The following CADM2 variants were observed in gnomAD, a reference collection of about 807,000 sequenced individuals.
CADM2 encodes the protein cell adhesion molecule 2.
In CADM2, 12 loss-of-function variants were observed where a neutral mutation model predicts 49.8. The observed-to-expected ratio is 0.24, with a 90% CI of 0.15 to 0.39. The LOEUF (loss-of-function observed/expected upper bound fraction) is 0.39, where lower values mean the gene tolerates loss of function less well. Among genes scored for constraint, CADM2 ranks in the 10% least tolerant of loss-of-function variants. The pLI, the probability that CADM2 is intolerant of heterozygous loss-of-function variation, is 1.00. For missense variants in CADM2, 378 were observed against 492.3 expected, an observed-to-expected ratio of 0.77 and a Z score of 2.20; for synonymous variants, 214 against 175.4, an observed-to-expected ratio of 1.22 and a Z score of -1.74.
At position 85,999,026 on chromosome 3, in the gene CADM2, GA is replaced by G. The variant is rs373462758; in HGVS notation, c.970+37387del. On this transcript the variant is annotated intron_variant, in intron 8 of 9. Coordinates refer to ENST00000383699, the MANE Select transcript of CADM2 (RefSeq NM_001167675.2). ...AAATATAAGGGGTAAGGGTTTTATG[GA>G]AAAAAAATAATGTATTCCATTTAAA... Among the ~76,000 whole-genome samples, 7 of 151,636 alleles carry G rather than the reference GA, an allele frequency of 4.6e-5. No homozygotes were observed. In the East Asian group the frequency reaches 5.8e-4, roughly 13 times the overall value.
intron 2 of CADM2, among the ~76,000 whole-genome samples, chr3:85,763,028 A>G (rs560486866): frequency 1.3e-5 from 2 of 152,264 alleles, no homozygotes; most frequent in Admixed American, 1.3e-4. Flanking sequence ...TATAACACAC[A>G]TTCCTGGACA....
chr3:85,983,317 G>A (rs1727692148), intron 8 of CADM2, among the ~76,000 whole-genome samples: 1 of 151,626 alleles, frequency 6.6e-6, no homozygotes, highest in Admixed American at 6.6e-5. Context: ...TACAAATAAG[G>A]ATGTTAAAAC....
chr3:85,469,691 A>T (rs1271923469), intron 1 of CADM2, among the ~76,000 whole-genome samples: 1 of 152,176 alleles, frequency 6.6e-6, no homozygotes, highest in Non-Finnish European at 1.5e-5. Flanking sequence ...GTTATAGGGT[A>T]TCATGCATTA....
intron 7 of CADM2, among the ~76,000 whole-genome samples, chr3:85,949,264 A>G (rs1160668403): frequency 1.3e-5 from 2 of 151,460 alleles, no homozygotes; most frequent in African/African-American, 4.8e-5. Context: ...AGAAAATGTC[A>G]CAGAATATAA....
intron 1 of CADM2, among the ~76,000 whole-genome samples, chr3:85,660,829 T>C (rs982166222): frequency 6.6e-6 from 1 of 151,934 alleles, no homozygotes; most frequent in Admixed American, 6.6e-5. Context: ...GACCAGCATG[T>C]ACAGTGCACT....
At chr3:85,563,399 T>A (rs2062154416) in intron 1 of CADM2, among the ~76,000 whole-genome samples, 1 of 107,546 alleles carries the variant, frequency 9.3e-6, no homozygotes, top group African/African-American at 2.6e-5. Flanking sequence ...ACAGGGAATT[T>A]TTGTGTGTGT....
intron 1 of CADM2, among the ~76,000 whole-genome samples, chr3:85,624,319 G>T (rs1281502778): frequency 6.6e-6 from 1 of 151,996 alleles, no homozygotes; most frequent in Admixed American, 6.6e-5. Flanking sequence ...CACTCAAAAT[G>T]CTTTTATAGA....
Position 85,281,834 on chromosome 3 carries a change from C to A in CADM2, c.61+322166C>A, listed in dbSNP as rs138933835. On this transcript the variant is annotated intron_variant, in intron 1 of 9. Coordinates refer to ENST00000383699, the MANE Select transcript of CADM2 (RefSeq NM_001167675.2). ...AAAGTCATGAATAATCAGGTCAAGG[C>A]GGTATGCAAAGAAAATTATCAGACT... 5.4e-3 allele frequency among the ~76,000 whole-genome samples: 815 copies of A among 151,980 alleles called. 4 individuals carry two copies. The highest frequency in any genetic ancestry group is 0.019 in the African/African-American group (773 of 41,480).
chr3:85,847,533 T>C (rs1239617410), intron 3 of CADM2, among the ~76,000 whole-genome samples: 1 of 152,198 alleles, frequency 6.6e-6, no homozygotes, highest in African/African-American at 2.4e-5. Context: ...TTAAATTACT[T>C]AATCTTAAAA....
intron 2 of CADM2, among the ~76,000 whole-genome samples, chr3:85,745,563 TTATATAAAGAG>T (rs1392486470): frequency 6.6e-6 from 1 of 151,944 alleles, no homozygotes; most frequent in African/African-American, 2.4e-5. Context: ...AGATGTAACT[TTATATAAAGAG>T]TGTTACGTGG....
At chr3:85,908,259 T>TTC (rs1717077533) in intron 5 of CADM2, among the ~76,000 whole-genome samples, 3 of 148,728 alleles carry the variant, frequency 2.0e-5, no homozygotes, top group Admixed American at 1.3e-4. Context: ...TTCTTCTTTT[T>TTC]TTTTTTTTTT....
rs530176341 is a variant in CADM2 at position 85,172,010 on chromosome 3, C to T, written c.61+212342C>T. Among the ~76,000 whole-genome samples, 13 of 152,252 alleles carry T rather than the reference C, an allele frequency of 8.5e-5. 1 individual carries two copies. In the South Asian group the frequency reaches 2.7e-3, roughly 32 times the overall value. ...GCTAACAATAGATATCTTTTACTTT[C>T]TTGTGCAATTTATAGAAATTAAAAC... On this transcript the variant is annotated intron_variant, in intron 1 of 9. Coordinates refer to ENST00000383699, the MANE Select transcript of CADM2 (RefSeq NM_001167675.2).
intron 1 of CADM2, among the ~76,000 whole-genome samples, chr3:85,660,163 G>T (rs2065355260): frequency 6.6e-6 from 1 of 151,806 alleles, no homozygotes; most frequent in East Asian, 1.9e-4. Context: ...CCCTCTCTGG[G>T]CCTGCAAAAA....
chr3:85,409,136 A>G (rs771624742), intron 1 of CADM2, among the ~76,000 whole-genome samples: 6 of 152,138 alleles, frequency 3.9e-5, no homozygotes, highest in Non-Finnish European at 7.4e-5. Context: ...GTGTAAATGC[A>G]TCCTTAAACA....
At chr3:86,013,031 T>G in intron 8 of CADM2, 1 of 1,066,418 alleles carries the variant, frequency 9.4e-7, no homozygotes, top group Non-Finnish European at 1.5e-6. Context: ...GTGCCAAACA[T>G]GAGACCTCTA....
rs1225336464 is a variant in CADM2, at chr3:85,704,863, A to ATTG, written c.62-21657_62-21656insGTT. Among the ~76,000 whole-genome samples, 3 of 148,232 alleles carry ATTG rather than the reference A, an allele frequency of 2.0e-5. No individual in the cohort carries two copies. The East Asian group carries it at 5.9e-4, about 29-fold the overall frequency. On this transcript the variant is annotated intron_variant, in intron 1 of 9. Transcript: ENST00000383699. ...TTCTCTTTATTTATTTATTATTATT[A>ATTG]TTATTTTTTTTTTTTGATGGAGTCT...
At position 85,532,040 on chromosome 3, in the gene CADM2, G is replaced by A. The variant is rs575605296; in HGVS notation, c.62-194482G>A. Reference sequence around the variant, plus strand: ...ACAATGCAAAAAATTAGCCAGGCGTGGTGGCGGGAGCCTGTAGTCCCAGCG... The same window carrying A: ...ACAATGCAAAAAATTAGCCAGGCGTAGTGGCGGGAGCCTGTAGTCCCAGCG... On this transcript the variant is annotated intron_variant, in intron 1 of 9. Transcript: ENST00000383699. Among the ~76,000 whole-genome samples the A allele has an allele frequency of 2.7e-3, 407 of 152,316 alleles. 1 individual carries two copies. The Middle Eastern group carries it at 0.037, about 14-fold the overall frequency.
At chr3:85,845,014 G>T (rs1223564946) in intron 3 of CADM2, among the ~76,000 whole-genome samples, 1 of 151,688 alleles carries the variant, frequency 6.6e-6, no homozygotes, top group Non-Finnish European at 1.5e-5. Flanking sequence ...AATTAGCCAG[G>T]CACGTTGGTA....
In CADM2 at chr3:85,323,749, C is replaced by T. The variant is rs1045839633; in HGVS notation, c.61+364081C>T. Among the ~76,000 whole-genome samples the T allele has an allele frequency of 2.6e-5, 4 of 152,150 alleles. No homozygotes were observed. In the East Asian group the frequency reaches 7.7e-4, roughly 29 times the overall value. On this transcript the variant is annotated intron_variant, in intron 1 of 9. Transcript: ENST00000383699. ...CTCCCTAAATATTTGTAGAAAACATCTCTCATCACGATGCTAAAACAGTGT... is the reference window on the plus strand; with the variant it reads ...CTCCCTAAATATTTGTAGAAAACATTTCTCATCACGATGCTAAAACAGTGT...
Sources: allele counts gnomAD v4.1 joint callset (sites outside exome capture counted in the v4.1 genomes callset), GRCh38; gene constraint gnomAD v4.1.1; transcripts MANE v1.5; gene names NCBI Gene and HGNC (gene_info 2026-07-23, HGNC 2026-07-21).